Variants in ADSL observed in about 807,000 individuals in gnomAD.
The protein encoded by ADSL is adenylosuccinase.
ADSL carries 44 observed loss-of-function variants against 62.1 expected under a neutral mutation model. The observed-to-expected ratio is 0.71, with a 90% confidence interval of 0.56 to 0.91. ADSL has a LOEUF of 0.91. Among genes scored for constraint, ADSL ranks in the 40% least tolerant of loss-of-function variants. The pLI, the probability that ADSL is intolerant of heterozygous loss-of-function variation, is 0.00. For synonymous variants in ADSL, 198 were observed against 220.5 expected (o/e 0.90, Z 0.90); for missense variants, 531 against 627.4 (o/e 0.85, Z 1.64).
rs776496275 is a variant in ADSL, at chr22:40,361,619, G to C, written c.994G>C (p.Asp332His). 1 of 1,613,782 alleles carries C rather than the reference G, an allele frequency of 6.2e-7. No homozygotes were observed. The highest frequency in any genetic ancestry group is 8.5e-7 in the Non-Finnish European group (1 of 1,180,040). The change falls in exon 9 of 13, where the codon GAT becomes CAT. Residue 332 changes from aspartate to histidine, a missense_variant. Transcript: ENST00000623063. ...ASVQWFERTL[D>H]DSANRRICLA... ...TGTCCAGTGGTTTGAACGCACACTG[G>C]ATGATAGTGCCAACCGGTCAGTGGC...
chr22:40,386,788 G>A (rs1185795235), intron 2 of ADSL, among the ~76,000 whole-genome samples: 1 of 151,808 alleles, frequency 6.6e-6, no homozygotes, highest in Non-Finnish European at 1.5e-5. Context: ...TATAATTCAT[G>A]ACTTTGTGTG....
rs768733351 is a variant in ADSL, at chr22:40,360,539, A to G, written c.792+47A>G. On this transcript the variant is annotated intron_variant, in intron 7 of 12. Coordinates refer to ENST00000623063, the MANE Select transcript of ADSL (RefSeq NM_000026.4). ...GGTGGGGACAGGAGCTTTGGGCACC[A>G]CAGACAGACTGAATTAACCTCAGAC... 4 of 1,340,736 alleles carry G rather than the reference A, an allele frequency of 3.0e-6. No homozygotes were observed. In the East Asian group the frequency reaches 9.2e-5, roughly 31 times the overall value. 83.1% of individuals were successfully genotyped at this position (1,340,736 alleles called of 1,614,324 possible).
chr22:40,364,166 T>C (rs2044904994), intron 10 of ADSL, 110 bp from the exon 11 acceptor site: 4 of 805,622 alleles, frequency 5.0e-6, no homozygotes, highest in Non-Finnish European at 4.2e-6. Flanking sequence ...TTACTCTCCA[T>C]AATGTGGTAG....
downstream of ADSL, among the ~76,000 whole-genome samples, chr22:40,370,420 T>A (rs1157332945): frequency 2.0e-5 from 3 of 151,840 alleles, no homozygotes; most frequent in Non-Finnish European, 2.9e-5. Context: ...CCCTGACTGC[T>A]GGTCCACACC....
Position 40,361,307 on chromosome 22 carries a change from A to AG in ADSL, c.829dup (p.Glu277GlyfsTer7). 6.2e-7 allele frequency: 1 copy of AG among 1,614,168 alleles called. No homozygotes were observed. The highest frequency in any genetic ancestry group is 1.3e-5 in the African/African-American group (1 of 75,040). On this transcript the variant is annotated frameshift_variant, in exon 8 of 13. Coordinates refer to ENST00000623063, the MANE Select transcript of ADSL (RefSeq NM_000026.4). LOFTEE classifies it high-confidence loss of function. ...GACATACGCCTCCTGGCAAACCTCA[A>AG]GGAGATGGAGGAACCCTTTGAAAAA... is the stretch of plus-strand genomic sequence containing the variant.
chr22:40,359,018 G>A lies in ADSL; in HGVS notation c.637G>A (p.Glu213Lys). The A allele has an allele frequency of 1.2e-6, 2 of 1,614,162 alleles. No individual in the cohort carries two copies. Among genetic ancestry groups the A allele is most frequent in the Non-Finnish European group, 1.7e-6 (2 of 1,180,030 alleles). ...GTQASFLQLFEGDDHKVEQLD... is the reference protein window; with the variant it reads ...GTQASFLQLFKGDDHKVEQLD... ...TCAGGCCAGTTTCCTGCAGCTCTTT[G>A]AGGGAGATGACCATAAGGTATTCTG... The change falls in exon 5 of 13, where the codon GAG (glutamate) becomes AAG (lysine). Residue 213 changes from glutamate (E) to lysine (K), a missense_variant. Transcript: ENST00000623063.
chr22:40,379,097 A>C (rs1469975391), intron 2 of ADSL, among the ~76,000 whole-genome samples: 1 of 152,234 alleles, frequency 6.6e-6, no homozygotes, highest in African/African-American at 2.4e-5. Context: ...AGCACTATTC[A>C]TCTGACATAC....
Position 40,366,611 on chromosome 22 carries a change from G to T in ADSL, c.*89G>T. 2 of 963,428 alleles carry T rather than the reference G, an allele frequency of 2.1e-6. No individual in the cohort carries two copies. The highest frequency in any genetic ancestry group is 3.3e-6 in the Non-Finnish European group (2 of 603,038). 59.7% of individuals were successfully genotyped at this position (963,428 alleles called of 1,614,324 possible). A position where few individuals can be genotyped will look rare whatever the true frequency, so the allele number is the denominator to read the frequency against. On this transcript the variant is annotated 3_prime_UTR_variant, in exon 13 of 13. Coordinates refer to ENST00000623063, the MANE Select transcript of ADSL (RefSeq NM_000026.4). Reference sequence around the variant, plus strand: ...AATGCCTTATTTTACCTCGAGAATTGTTACCTTAAATTAGTACAGCACTTT... The same window carrying T: ...AATGCCTTATTTTACCTCGAGAATTTTTACCTTAAATTAGTACAGCACTTT...
In ADSL at chr22:40,366,525, T is replaced by C. The variant is rs766236267; in HGVS notation, c.*3T>C. ...TGAAAGCAGAATTATGTCTGTAGAG[T>C]TGGAAGAGAATTAAACGAAAATCAT... is the stretch of plus-strand genomic sequence containing the variant. On this transcript the variant is annotated 3_prime_UTR_variant, in exon 13 of 13. Transcript: ENST00000623063. 45 of 1,604,770 alleles carry C rather than the reference T, an allele frequency of 2.8e-5. No individual in the cohort carries two copies. The highest frequency in any genetic ancestry group is 3.7e-5 in the Non-Finnish European group (43 of 1,171,622).
chr22:40,374,493 A>T (rs1187671779), intron 2 of ADSL, among the ~76,000 whole-genome samples: 1 of 152,246 alleles, frequency 6.6e-6, no homozygotes, highest in African/African-American at 2.4e-5. Flanking sequence ...TCTTTGTAAT[A>T]CTTGCCTGCA....
intron 3 of ADSL, chr22:40,353,791 AT>A (rs532984607): frequency 3.2e-4 from 84 of 263,514 alleles, no homozygotes; most frequent in South Asian, 5.3e-4. Context: ...ACGCCCAGCT[AT>A]TTTTTTTGTA....
At chr22:40,346,753 G>T in intron 1 of ADSL, 42 bp downstream of exon 1, 3 of 1,556,740 alleles carry the variant, frequency 1.9e-6, no homozygotes, top group Non-Finnish European at 2.6e-6. Flanking sequence ...GGAGGGACGG[G>T]CCCGCCCCAG....
chr22:40,361,518 C>T lies in ADSL; in HGVS notation c.893C>T (p.Pro298Leu). 4 of 1,614,200 alleles carry T rather than the reference C, an allele frequency of 2.5e-6. No homozygotes were observed. The highest frequency in any genetic ancestry group is 3.4e-6 in the Non-Finnish European group (4 of 1,180,044). Residue 298 changes from proline (P) to leucine (L), a missense_variant, in exon 9 of 13, where the codon CCC becomes CTC. Physicochemically the swap from Pro to Leu is moderately conservative, Grantham distance 98 (BLOSUM62 -3). This residue lies in a region of ADSL where 471 missense variants were observed against 592.9 expected (regional missense o/e 0.79). Coordinates refer to ENST00000623063, the MANE Select transcript of ADSL (RefSeq NM_000026.4). Reference sequence around the variant, plus strand: ...AGTGCGATGCCATATAAGCGGAATCCCATGCGTTCAGAACGTTGCTGCAGT... The same window carrying T: ...AGTGCGATGCCATATAAGCGGAATCTCATGCGTTCAGAACGTTGCTGCAGT... Reference protein sequence around the residue: ...GSSAMPYKRNPMRSERCCSLA... With the variant: ...GSSAMPYKRNLMRSERCCSLA...
At chr22:40,359,499 G>A (rs1469979063) in intron 6 of ADSL, among the ~76,000 whole-genome samples, 193 bp downstream of exon 6, 2 of 43,762 alleles carry the variant, frequency 4.6e-5, no homozygotes, top group Admixed American at 2.8e-4. Context: ...TTTTTTTTTC[G>A]CCTAATCGTC....
chr22:40,384,086 A>T (rs973496787), intron 2 of ADSL, among the ~76,000 whole-genome samples: 4 of 152,124 alleles, frequency 2.6e-5, no homozygotes, highest in Non-Finnish European at 5.9e-5. Flanking sequence ...TTGTCTCTAA[A>T]AATAAAAATT....
At position 40,362,997 on chromosome 22, in the gene ADSL, G is replaced by A. The variant is rs774159147; in HGVS notation, c.1027G>A (p.Glu343Lys). The change falls in exon 10 of 13, where the codon GAG becomes AAG. Residue 343 changes from glutamate (E) to lysine (K), a missense_variant. Glu to Lys is a moderately conservative substitution (Grantham distance 56). Transcript: ENST00000623063. ...DSANRRICLA[E>K]AFLTADTILN... Reference sequence around the variant, plus strand: ...GTTTTCTAGACGGATCTGTTTGGCCGAGGCATTTCTTACCGCAGATACTAT... The same window carrying A: ...GTTTTCTAGACGGATCTGTTTGGCCAAGGCATTTCTTACCGCAGATACTAT... 1.4e-5 allele frequency: 22 copies of A among 1,614,056 alleles called. No individual in the cohort carries two copies. Among genetic ancestry groups the A allele is most frequent in the African/African-American group, 2.7e-5 (2 of 75,024 alleles).
At chr22:40,372,650 A>C (rs1248954999), downstream of ADSL, 1 of 152,208 alleles carries the variant, frequency 6.6e-6, no homozygotes, top group African/African-American at 2.4e-5. Context: ...AATGAACCCG[A>C]CATTAGGGTG....
rs143035115 is a variant in ADSL, at chr22:40,379,734, G to A, written c.90-10496G>A. 1.0e-3 allele frequency among the ~76,000 whole-genome samples: 156 copies of A among 152,056 alleles called. 1 individual carries two copies. Among genetic ancestry groups the A allele is most frequent in the Middle Eastern group, 6.8e-3 (2 of 294 alleles). On this transcript the variant is annotated intron_variant, in intron 2 of 2. Coordinates refer to the ADSL transcript ENST00000498234. ...GTCTCTGTTCTTATTATTAAGGCAG[G>A]GTCTCACTTTGTCACCCAGGCTGGA...
chr22:40,382,740 G>A (rs1485182655), intron 2 of ADSL, among the ~76,000 whole-genome samples: 1 of 152,220 alleles, frequency 6.6e-6, no homozygotes, highest in Non-Finnish European at 1.5e-5. Flanking sequence ...TGTGAGATAC[G>A]TTATATTGTG....
Sources: gnomAD v4.1 joint callset for allele counts (sites outside exome capture counted in the v4.1 genomes callset) on GRCh38, gnomAD v4.1.1 for gene constraint, gnomAD v4.1.1 regional missense constraint, MANE v1.5 for transcripts, NCBI Gene and HGNC (gene_info 2026-07-23, HGNC 2026-07-21) for gene names.